The following METAP2 variants were observed in gnomAD, a reference collection of about 807,000 sequenced individuals.
METAP2 encodes the protein methionine aminopeptidase 2.
Under a neutral mutation model 59.4 loss-of-function variants are expected in METAP2, and 25 were observed. The observed-to-expected ratio is 0.42, with a 90% confidence interval of 0.31 to 0.59. METAP2 has a LOEUF of 0.59. METAP2 is among the 20% of genes least tolerant of loss of function. The pLI, the probability that METAP2 is intolerant of heterozygous loss-of-function variation, is 0.16. For missense variants in METAP2, 366 were observed against 581.2 expected (o/e 0.63, Z 3.81); for synonymous variants, 214 against 194.1 (o/e 1.10, Z -0.85).
At chr12:95,505,921 C>G (rs1269527624) in intron 8 of METAP2, among the ~76,000 whole-genome samples, 1 of 151,014 alleles carries the variant, frequency 6.6e-6, no homozygotes, top group Non-Finnish European at 1.5e-5. Context: ...ATGGTAAAAC[C>G]CCGTCTCTAC....
At chr12:95,490,715 C>G (rs925453232) in intron 4 of METAP2, among the ~76,000 whole-genome samples, 3 of 151,740 alleles carry the variant, frequency 2.0e-5, no homozygotes, top group African/African-American at 7.3e-5. Context: ...TGTTTACTTT[C>G]TAAAACCAGG....
chr12:95,482,937 T>A (rs544592196), intron 2 of METAP2, among the ~76,000 whole-genome samples: 6 of 152,314 alleles, frequency 3.9e-5, no homozygotes, highest in African/African-American at 1.2e-4. Flanking sequence ...TTTTTAGTGT[T>A]GGAGTCTCAC....
At chr12:95,510,205 C>G (rs1168974170) in intron 8 of METAP2, among the ~76,000 whole-genome samples, 2 of 152,152 alleles carry the variant, frequency 1.3e-5, no homozygotes, top group African/African-American at 4.8e-5. Context: ...CTCAGCTTCT[C>G]AATTGCAGAA....
At chr12:95,485,831 A>T in intron 3 of METAP2, 48 bp from the exon 4 acceptor site, 1 of 1,263,290 alleles carries the variant, frequency 7.9e-7, no homozygotes, top group East Asian at 2.7e-5. Context: ...ATAACTGCTT[A>T]ATTTTATTTT....
At chr12:95,480,933 A>G (rs1370980329) in intron 2 of METAP2, among the ~76,000 whole-genome samples, 2 of 152,234 alleles carry the variant, frequency 1.3e-5, no homozygotes, top group African/African-American at 4.8e-5. Context: ...CTCTAAGGTC[A>G]CAAAGATGTT....
At chr12:95,503,680 C>T (rs1308998402) in intron 7 of METAP2, among the ~76,000 whole-genome samples, 1 of 152,130 alleles carries the variant, frequency 6.6e-6, no homozygotes, top group Non-Finnish European at 1.5e-5. Context: ...GCGTGTTGCT[C>T]CAGGAACACG....
chr12:95,487,394 C>T (rs762394234), intron 4 of METAP2, among the ~76,000 whole-genome samples: 23 of 151,980 alleles, frequency 1.5e-4, no homozygotes, highest in African/African-American at 4.8e-4. Context: ...TTTCCAGTTA[C>T]GAATGTTCTT....
chr12:95,513,360 A>AG (rs2076418783), intron 10 of METAP2, among the ~76,000 whole-genome samples: 4 of 152,194 alleles, frequency 2.6e-5, no homozygotes, highest in Admixed American at 2.6e-4. Flanking sequence ...TTCACATCAT[A>AG]ATACCCTGTA....
Position 95,512,819 on chromosome 12 carries a change from A to G in METAP2, c.1087A>G (p.Ile363Val), listed in dbSNP as rs1374975090. 7.5e-6 allele frequency: 12 copies of G among 1,607,574 alleles called. No individual in the cohort carries two copies. The African/African-American group carries it at 9.4e-5, about 13-fold the overall frequency. Residue 363 changes from isoleucine (I) to valine (V), a missense_variant, in exon 10 of 11, where the codon ATT becomes GTT. Ile to Val is a conservative substitution (Grantham distance 29). This residue lies in a region of METAP2 where 82 missense variants were observed against 156.2 expected (regional missense o/e 0.52). Transcript: ENST00000323666. ...TTTTCAGGAAGGAGAAGTATATGCA[A>G]TTGAAACCTTTGGTAGTACAGGAAA... ...TRMEEGEVYA[I>V]ETFGSTGKGV...
chr12:95,496,821 C>CTTTTTTTTTTTT lies in METAP2; in HGVS notation c.867+733_867+744dup, dbSNP rs777002045. Among the ~76,000 whole-genome samples, 30 of 100,928 alleles carry CTTTTTTTTTTTT rather than the reference C, an allele frequency of 3.0e-4. 1 individual carries two copies. The highest frequency in any genetic ancestry group is 3.6e-4 in the South Asian group (1 of 2,814). The allele number at this position is 100,928 out of a possible 152,430, so 66.2% of individuals were successfully genotyped here. ...AATTTACCATATTAACTTTTTCTTT[C>CTTTTTTTTTTTT]TTTTTTTTTTTTTTTTTTTTTGAGA... On this transcript the variant is annotated intron_variant, in intron 7 of 10. Coordinates refer to ENST00000323666, the MANE Select transcript of METAP2 (RefSeq NM_006838.4).
intron 3 of METAP2, among the ~76,000 whole-genome samples, chr12:95,485,455 A>G (rs1050559676): frequency 2.0e-5 from 3 of 152,074 alleles, no homozygotes; most frequent in Non-Finnish European, 4.4e-5. Flanking sequence ...TTTATACCTT[A>G]TATACTCTTG....
intron 7 of METAP2, among the ~76,000 whole-genome samples, chr12:95,498,402 C>G (rs1004892301): frequency 1.3e-5 from 2 of 151,992 alleles, no homozygotes; most frequent in Admixed American, 6.6e-5. Context: ...CCTTTTTACT[C>G]CGGATATTGT....
chr12:95,502,469 T>G (rs2076323744), intron 7 of METAP2, among the ~76,000 whole-genome samples: 1 of 152,310 alleles, frequency 6.6e-6, no homozygotes, highest in South Asian at 2.1e-4. Flanking sequence ...ATCCCTTTTA[T>G]ATAGTGAATC....
intron 2 of METAP2, among the ~76,000 whole-genome samples, chr12:95,482,632 A>G (rs301040): frequency 0.11 from 16,222 of 151,356 alleles, 936 homozygotes; most frequent in African/African-American, 0.12. Flanking sequence ...AAAAAAAAAA[A>G]AAAATTAGAT....
chr12:95,481,282 G>A (rs1213567126), intron 2 of METAP2, among the ~76,000 whole-genome samples: 1 of 152,152 alleles, frequency 6.6e-6, no homozygotes, highest in Non-Finnish European at 1.5e-5. Flanking sequence ...ATAGTGGTGC[G>A]TGCCTGTAGT....
chr12:95,504,015 A>G (rs772539540), intron 7 of METAP2, 50 bp from the exon 8 acceptor site: 9 of 1,359,150 alleles, frequency 6.6e-6, no homozygotes, highest in Admixed American at 1.9e-5. Context: ...TTAAGTTGCT[A>G]TGAAAATTTT....
intron 1 of METAP2, among the ~76,000 whole-genome samples, chr12:95,474,876 C>T (rs959318513): frequency 6.6e-6 from 1 of 152,198 alleles, no homozygotes; most frequent in Middle Eastern, 3.4e-3. Flanking sequence ...TTTGCCCGCG[C>T]GCTCATGTCA....
intron 3 of METAP2, 194 bp downstream of exon 3, chr12:95,483,474 T>TAAAA: frequency 1.5e-5 from 1 of 68,814 alleles, no homozygotes; most frequent in Non-Finnish European, 2.4e-5. Flanking sequence ...AGACTCTGTC[T>TAAAA]CAAAAAAAAA....
chr12:95,486,627 A>T (rs938035949), intron 4 of METAP2, among the ~76,000 whole-genome samples: 14 of 151,962 alleles, frequency 9.2e-5, no homozygotes, highest in South Asian at 8.3e-4. Context: ...CCTCCCGAGT[A>T]GCTGAGATTA....
Sources: allele counts gnomAD v4.1 joint callset (sites outside exome capture counted in the v4.1 genomes callset), GRCh38; gene constraint gnomAD v4.1.1; regional missense constraint gnomAD v4.1.1; transcripts MANE v1.5; gene names NCBI Gene and HGNC (gene_info 2026-07-23, HGNC 2026-07-21).